VPS13B: variants seen among roughly 807,000 people sequenced by gnomAD.
VPS13B encodes intermembrane lipid transfer protein VPS13B.
Under a neutral mutation model 426.4 loss-of-function variants are expected in VPS13B, and 285 were observed. The observed-to-expected ratio is 0.67, with a 90% CI of 0.61 to 0.74. The LOEUF (loss-of-function observed/expected upper bound fraction) is 0.74. Ranked by LOEUF, VPS13B falls within the 30% of genes least tolerant of loss-of-function variation. The probability of loss-of-function intolerance (pLI) is 0.00; values close to 1 mark genes in which losing one functional copy is unlikely to be tolerated. For missense variants in VPS13B, 4,537 were observed against 4,782.6 expected, an observed-to-expected ratio of 0.95 and a Z score of 1.51; for synonymous variants, 1,676 against 1,676.4, an observed-to-expected ratio of 1.00 and a Z score of 0.01.
intron 35 of VPS13B, among the ~76,000 whole-genome samples, chr8:99,698,744 C>G (rs1832138863): frequency 6.7e-6 from 1 of 149,446 alleles, no homozygotes; most frequent in South Asian, 2.1e-4. Context: ...CATGCTCTGT[C>G]TTGATGCTTA....
intron 39 of VPS13B, among the ~76,000 whole-genome samples, chr8:99,725,634 T>C (rs1320906642): frequency 6.6e-6 from 1 of 152,244 alleles, no homozygotes; most frequent in Admixed American, 6.5e-5. Context: ...TCAATAAATA[T>C]GTTGACTGGA....
At chr8:99,665,232 G>C (rs1038243247) in intron 35 of VPS13B, among the ~76,000 whole-genome samples, 1 of 152,144 alleles carries the variant, frequency 6.6e-6, no homozygotes, top group Non-Finnish European at 1.5e-5. Context: ...TTTGTCAGAT[G>C]AGTAGGTTGC....
In VPS13B at chr8:99,507,128, G is replaced by T. The variant is rs1416677830; in HGVS notation, c.4158-9G>T. On this transcript the variant is annotated splice_polypyrimidine_tract_variant and intron_variant, in intron 27 of 61. Coordinates refer to ENST00000357162, the MANE Select transcript of VPS13B (RefSeq NM_152564.5). ...AAGAGAACAGATAAGGTGAACTTAT[G>T]TTTTCCAGGCCAGGGGAAGGTTGGC... The T allele has an allele frequency of 6.2e-7, 1 of 1,613,892 alleles. No homozygotes were observed. Among genetic ancestry groups the T allele is most frequent in the South Asian group, 1.1e-5 (1 of 91,078 alleles).
At position 99,834,793 on chromosome 8, in the gene VPS13B, T is replaced by C. The variant is rs1232818681; in HGVS notation, c.9615-404T>C. 7.2e-5 allele frequency among the ~76,000 whole-genome samples: 11 copies of C among 152,180 alleles called. 1 individual carries two copies. The highest frequency in any genetic ancestry group is 7.2e-4 in the Admixed American group (11 of 15,280). ...GAGGCTGGGCTTGAACTCCTGGGCTTAAGCAATTCTCCTGCCTTGGCTCCC... is the reference window on the plus strand; with the variant it reads ...GAGGCTGGGCTTGAACTCCTGGGCTCAAGCAATTCTCCTGCCTTGGCTCCC... On this transcript the variant is annotated intron_variant, in intron 52 of 61. Transcript: ENST00000357162.
chr8:99,615,592 T>C (rs1277514317), intron 33 of VPS13B, among the ~76,000 whole-genome samples: 1 of 152,244 alleles, frequency 6.6e-6, no homozygotes, highest in African/African-American at 2.4e-5. Flanking sequence ...GAAAAGTGTA[T>C]GCTTAAATAT....
intron 17 of VPS13B, chr8:99,241,128 T>A (rs1310938651): frequency 6.6e-6 from 1 of 152,238 alleles, no homozygotes; most frequent in Non-Finnish European, 1.5e-5. Context: ...GCCAACTGAT[T>A]TTACACCAAA....
At chr8:99,173,129 A>G (rs1238969821) in intron 16 of VPS13B, among the ~76,000 whole-genome samples, 1 of 152,170 alleles carries the variant, frequency 6.6e-6, no homozygotes, top group Non-Finnish European at 1.5e-5. Context: ...GCACAGTGCC[A>G]ATTGTTGATT....
chr8:99,228,575 C>T (rs1816146101), intron 17 of VPS13B, among the ~76,000 whole-genome samples: 1 of 151,876 alleles, frequency 6.6e-6, no homozygotes, highest in Non-Finnish European at 1.5e-5. Flanking sequence ...AATTTGCTGG[C>T]CATAGTTATC....
At chr8:99,841,161 G>T (rs1348277732) in intron 54 of VPS13B, among the ~76,000 whole-genome samples, 4 of 152,152 alleles carry the variant, frequency 2.6e-5, no homozygotes, top group Non-Finnish European at 5.9e-5. Flanking sequence ...TTTCATCTCT[G>T]TCCAATCCTT....
At chr8:99,783,534 C>T (rs369228616) in intron 42 of VPS13B, among the ~76,000 whole-genome samples, 3 of 152,110 alleles carry the variant, frequency 2.0e-5, no homozygotes, top group Non-Finnish European at 4.4e-5. Flanking sequence ...TTTAATGTAA[C>T]AGCAACCAAT....
At chr8:99,698,799 G>A (rs1832143389) in intron 35 of VPS13B, among the ~76,000 whole-genome samples, 2 of 152,166 alleles carry the variant, frequency 1.3e-5, no homozygotes, top group South Asian at 4.1e-4. Context: ...GATTTTAGGT[G>A]AAATAAGAAG....
intron 35 of VPS13B, among the ~76,000 whole-genome samples, chr8:99,673,727 T>C (rs1254504370): frequency 1.3e-5 from 2 of 152,058 alleles, no homozygotes; most frequent in Non-Finnish European, 2.9e-5. Context: ...TCATTTATAC[T>C]GTAGGTATTT....
intron 31 of VPS13B, among the ~76,000 whole-genome samples, chr8:99,571,766 C>T (rs957151966): frequency 2.6e-5 from 4 of 152,178 alleles, no homozygotes. Flanking sequence ...TATGATGTCT[C>T]TCAGGATCTC....
At chr8:99,535,499 C>T (rs1004193723) in intron 30 of VPS13B, among the ~76,000 whole-genome samples, 2 of 152,084 alleles carry the variant, frequency 1.3e-5, no homozygotes, top group Non-Finnish European at 2.9e-5. Flanking sequence ...TGAGCAAAAA[C>T]CAAATATCTG....
chr8:99,557,984 G>A (rs1824682488), intron 31 of VPS13B, among the ~76,000 whole-genome samples: 1 of 152,004 alleles, frequency 6.6e-6, no homozygotes, highest in Admixed American at 6.6e-5. Flanking sequence ...AACATACCGT[G>A]GTGGTTTATT....
chr8:99,347,457 A>C (rs1226704940), intron 19 of VPS13B: 1 of 156,208 alleles, frequency 6.4e-6, no homozygotes, highest in Non-Finnish European at 1.4e-5. Context: ...TGTCTTACCC[A>C]GTTATTGCTT....
chr8:99,428,995 C>G (rs1382746564), intron 21 of VPS13B, among the ~76,000 whole-genome samples: 2 of 151,978 alleles, frequency 1.3e-5, no homozygotes, highest in African/African-American at 4.8e-5. Context: ...ATGGATGAAG[C>G]TGGAAACCAT....
rs1384284226 is a variant in VPS13B at position 99,871,624 on chromosome 8, G to A, written c.11672G>A (p.Cys3891Tyr). ...QQAFPVTEID[C>Y]AQDSKQNNLL... ...GCCTTCCCCGTCACAGAAATCGACT[G>A]TGCACAGGACAGCAAGCAGAACAAC... Residue 3891 changes from cysteine (C) to tyrosine (Y), a missense_variant, in exon 61 of 62, where the codon TGT becomes TAT. Physicochemically the swap from Cys to Tyr is radical, Grantham distance 194 (BLOSUM62 -2). Coordinates refer to ENST00000357162, the MANE Select transcript of VPS13B (RefSeq NM_152564.5). The A allele has an allele frequency of 1.2e-6, 2 of 1,614,150 alleles. No individual in the cohort carries two copies. The highest frequency in any genetic ancestry group is 1.1e-5 in the South Asian group (1 of 91,090).
At chr8:99,136,830 G>T in intron 12 of VPS13B, 78 bp downstream of exon 12, 1 of 1,376,342 alleles carries the variant, frequency 7.3e-7, no homozygotes, top group South Asian at 1.2e-5. Flanking sequence ...ATTGGTCCTT[G>T]ACTGGTTGTA....
Sources: allele counts gnomAD v4.1 joint callset (sites outside exome capture counted in the v4.1 genomes callset), GRCh38; gene constraint gnomAD v4.1.1; transcripts MANE v1.5; gene names NCBI Gene and HGNC (gene_info 2026-07-23, HGNC 2026-07-21).